The following CYP3A43 variants were observed in gnomAD, a reference collection of about 807,000 sequenced individuals.
CYP3A43 encodes cytochrome P450 3A43.
A neutral mutation model predicts 58.0 loss-of-function variants in CYP3A43; 45 were observed. The ratio of observed to expected loss-of-function variants is 0.78; its 90% CI spans 0.61 to 0.99. CYP3A43 has a LOEUF of 0.99. Among genes scored for constraint, CYP3A43 ranks in the 50% least tolerant of loss-of-function variants. The probability of loss-of-function intolerance (pLI) is 0.00; values close to 1 mark genes in which losing one functional copy is unlikely to be tolerated. For synonymous variants in CYP3A43, 191 were observed against 201.4 expected (o/e 0.95, Z 0.44); for missense variants, 593 against 591.9 (o/e 1.00, Z -0.02).
intron 7 of CYP3A43, among the ~76,000 whole-genome samples, chr7:99,854,680 C>T (rs1262670157): frequency 6.6e-6 from 1 of 152,040 alleles, no homozygotes; most frequent in African/African-American, 2.4e-5. Flanking sequence ...TTGAGATTAT[C>T]TGACATTCAC....
chr7:99,863,556 G>A lies in CYP3A43; in HGVS notation c.1273G>A (p.Asp425Asn). 6.2e-7 allele frequency: 1 copy of A among 1,607,878 alleles called. No homozygotes were observed. Among genetic ancestry groups the A allele is most frequent in the Non-Finnish European group, 8.5e-7 (1 of 1,178,230 alleles). The change falls in exon 12 of 13, where the codon GAC (aspartate) becomes AAC (asparagine). Residue 425 changes from aspartate to asparagine, a missense_variant. Coordinates refer to ENST00000354829, the MANE Select transcript of CYP3A43 (RefSeq NM_057095.3). ...AAGTAGGTTCAGTAAGAAGAACAAG[G>A]ACAGCATAGATCTTTACAGATACAT... is the stretch of plus-strand genomic sequence containing the variant. Reference protein sequence around the residue: ...CPERFSKKNKDSIDLYRYIPF... With the variant: ...CPERFSKKNKNSIDLYRYIPF...
At chr7:99,839,944 C>T (rs1468743968) in intron 3 of CYP3A43, among the ~76,000 whole-genome samples, 1 of 152,142 alleles carries the variant, frequency 6.6e-6, no homozygotes, top group East Asian at 1.9e-4. Context: ...TCCTGGCTGG[C>T]ACCATGTTGC....
At chr7:99,835,562 TC>T (rs1446319712) in intron 1 of CYP3A43, among the ~76,000 whole-genome samples, 2 of 152,194 alleles carry the variant, frequency 1.3e-5, no homozygotes, top group African/African-American at 4.8e-5. Flanking sequence ...AAGCCAGAAT[TC>T]ATAGGGTGAG....
chr7:99,830,952 C>T (rs1369102238), intron 1 of CYP3A43, among the ~76,000 whole-genome samples: 1 of 152,232 alleles, frequency 6.6e-6, no homozygotes, highest in Admixed American at 6.5e-5. Context: ...CCTCTTCATT[C>T]AACTTCCAAT....
chr7:99,847,965 T>G (rs1817600616), intron 5 of CYP3A43: 2 of 596,584 alleles, frequency 3.4e-6, no homozygotes. Flanking sequence ...GAGCCAAGAT[T>G]GCGCCGTTGC....
At chr7:99,842,577 G>A (rs1337074434) in intron 3 of CYP3A43, among the ~76,000 whole-genome samples, 3 of 151,564 alleles carry the variant, frequency 2.0e-5, no homozygotes, top group South Asian at 2.1e-4. Context: ...CACTTTTTAC[G>A]TAATAAAACA....
intron 7 of CYP3A43, 147 bp from the exon 8 acceptor site, chr7:99,855,444 C>T: frequency 9.4e-7 from 1 of 1,060,668 alleles, no homozygotes; most frequent in Non-Finnish European, 1.3e-6. Context: ...AAAGGTCATA[C>T]AGGAAGAGGG....
chr7:99,860,309 A>T (rs919434268), intron 10 of CYP3A43, among the ~76,000 whole-genome samples: 15 of 152,222 alleles, frequency 9.9e-5, no homozygotes, highest in African/African-American at 3.4e-4. Context: ...AAGTCTGGAT[A>T]GTGAGCTCTG....
chr7:99,840,874 C>A (rs1426563298), intron 3 of CYP3A43, among the ~76,000 whole-genome samples: 1 of 152,126 alleles, frequency 6.6e-6, no homozygotes, highest in African/African-American at 2.4e-5. Context: ...CAGAAATTTT[C>A]CCATCAGTGT....
intron 9 of CYP3A43, 36 bp downstream of exon 9, chr7:99,856,935 G>A (rs746056261): frequency 5.7e-6 from 9 of 1,589,728 alleles, no homozygotes; most frequent in Non-Finnish European, 7.7e-6. Flanking sequence ...TACTGATGGG[G>A]ACACTCAGAG....
intron 7 of CYP3A43, 102 bp downstream of exon 7, chr7:99,849,796 A>C (rs1327901476): frequency 8.5e-7 from 1 of 1,170,318 alleles, no homozygotes; most frequent in Non-Finnish European, 1.2e-6. Flanking sequence ...TAATTCACCT[A>C]CTTAAAATGT....
At chr7:99,836,965 A>G (rs1039068187) in intron 2 of CYP3A43, among the ~76,000 whole-genome samples, 11 of 152,134 alleles carry the variant, frequency 7.2e-5, no homozygotes, top group African/African-American at 2.7e-4. Context: ...GTTTTCACCA[A>G]GAGCTTTAGT....
At chr7:99,848,011 CA>C (rs199513832) in intron 5 of CYP3A43, 154 bp from the exon 6 acceptor site, 177 of 740,426 alleles carry the variant, frequency 2.4e-4, no homozygotes, top group Middle Eastern at 5.1e-4. Flanking sequence ...AACTCTGTCT[CA>C]AAAAAAAGGG....
At chr7:99,828,216 T>G (rs371298927) in intron 1 of CYP3A43, 30 bp downstream of exon 1, 5 of 1,541,604 alleles carry the variant, frequency 3.2e-6, no homozygotes, top group Non-Finnish European at 3.5e-6. Context: ...TGTTTGCTCT[T>G]AACTCTAAGA....
chr7:99,847,681 T>C (rs1369024622), intron 5 of CYP3A43, 80 bp downstream of exon 5: 1 of 1,586,936 alleles, frequency 6.3e-7, no homozygotes, highest in East Asian at 2.3e-5. Flanking sequence ...CATAGTTCCT[T>C]TCTAATGGGT....
intron 3 of CYP3A43, among the ~76,000 whole-genome samples, chr7:99,843,745 G>A (rs1228590313): frequency 6.6e-6 from 1 of 152,192 alleles, no homozygotes; most frequent in Non-Finnish European, 1.5e-5. Context: ...GGAATTACAA[G>A]TGTGAGCCAC....
chr7:99,852,845 G>A (rs1159322307), intron 7 of CYP3A43, among the ~76,000 whole-genome samples: 3 of 152,162 alleles, frequency 2.0e-5, no homozygotes, highest in Admixed American at 2.0e-4. Context: ...AAAGTCTTTT[G>A]GATTTTTGTC....
chr7:99,859,565 C>T (rs1818137865), intron 9 of CYP3A43, among the ~76,000 whole-genome samples: 1 of 152,164 alleles, frequency 6.6e-6, no homozygotes, highest in Non-Finnish European at 1.5e-5. Context: ...AGTTACCCAG[C>T]TGTGCAGCTG....
At chr7:99,831,899 C>G (rs1425790937) in intron 1 of CYP3A43, among the ~76,000 whole-genome samples, 2 of 152,160 alleles carry the variant, frequency 1.3e-5, no homozygotes, top group African/African-American at 4.8e-5. Context: ...TAGTGCCATT[C>G]AGAGAACATA....
Sources: gnomAD v4.1 joint callset for allele counts (sites outside exome capture counted in the v4.1 genomes callset) on GRCh38, gnomAD v4.1.1 for gene constraint, MANE v1.5 for transcripts, NCBI Gene and HGNC (gene_info 2026-07-23, HGNC 2026-07-21) for gene names.